The following GDE1 variants were observed in gnomAD, a reference collection of about 807,000 sequenced individuals.
GDE1 encodes RGS16-interacting membrane protein.
Under a neutral mutation model 32.2 loss-of-function variants are expected in GDE1, and 24 were observed. The observed-to-expected ratio is 0.75, with a 90% CI of 0.54 to 1.05. GDE1 has a LOEUF of 1.05. GDE1 is among the 50% of genes least tolerant of loss of function. The pLI, the probability that GDE1 is intolerant of heterozygous loss-of-function variation, is 0.00. For synonymous variants in GDE1, 159 were observed against 158.6 expected (o/e 1.00, Z -0.02); for missense variants, 380 against 415.0 (o/e 0.92, Z 0.73).
rs745955455 is a variant in GDE1, at chr16:19,505,306, T to TC, written c.637-215dup. Among the ~76,000 whole-genome samples, 132 of 152,320 alleles carry TC rather than the reference T, an allele frequency of 8.7e-4. No individual in the cohort carries two copies. The Middle Eastern group carries it at 0.01, about 12-fold the overall frequency. On this transcript the variant is annotated intron_variant, in intron 4 of 5. Coordinates refer to ENST00000353258, the MANE Select transcript of GDE1 (RefSeq NM_016641.4). ...TGCAGCACATATGAGAACTTTTTTT[T>TC]CCCAGTCCTTAAAAACTGCAATCCT...
intron 2 of GDE1, among the ~76,000 whole-genome samples, chr16:19,512,062 C>T (rs1399683861): frequency 6.6e-6 from 1 of 152,022 alleles, no homozygotes; most frequent in East Asian, 1.9e-4. Context: ...ACACTAGTTT[C>T]CTTTCTTTTG....
intron 1 of GDE1, among the ~76,000 whole-genome samples, chr16:19,520,714 G>T (rs1485105822): frequency 7.2e-6 from 1 of 138,782 alleles, no homozygotes; most frequent in East Asian, 2.2e-4. Flanking sequence ...AAAAGAGTGA[G>T]ACTCTGTAAA....
Position 19,503,266 on chromosome 16 carries a change from CAACAGTGTTG to C in GDE1, c.*194_*203del. The C allele has an allele frequency of 1.8e-6, 1 of 551,544 alleles. No individual in the cohort carries two copies. The highest frequency in any genetic ancestry group is 3.2e-6 in the Non-Finnish European group (1 of 310,758). The allele number at this position is 551,544 out of a possible 1,614,324, so 34.2% of individuals were successfully genotyped here. A position where few individuals can be genotyped will look rare whatever the true frequency, so the allele number is the denominator to read the frequency against. On this transcript the variant is annotated 3_prime_UTR_variant, in exon 6 of 6. Coordinates refer to ENST00000353258, the MANE Select transcript of GDE1 (RefSeq NM_016641.4). ...TTTTTCAGACCCAGATTTTCAAGAG[CAACAGTGTTG>C]AACTCTGGCATGCCATGGTGCATGG...
Position 19,501,908 on chromosome 16 carries a change from G to A in GDE1, c.*1562C>T, listed in dbSNP as rs114006199. 0.018 allele frequency: 2,690 copies of A among 152,260 alleles called. 87 individuals carry two copies. Among genetic ancestry groups the A allele is most frequent in the African/African-American group, 0.062 (2,585 of 41,530 alleles). 9.4% of individuals were successfully genotyped at this position (152,260 alleles called of 1,614,324 possible). ...TGCAAGTGTGAGGCCAGCAACCCAC[G>A]GCAGGGATGCAGGAGGGAAGCCATG... On this transcript the variant is annotated 3_prime_UTR_variant, in exon 6 of 6. Coordinates refer to ENST00000353258, the MANE Select transcript of GDE1 (RefSeq NM_016641.4).
intron 2 of GDE1, among the ~76,000 whole-genome samples, chr16:19,512,128 T>G (rs1485943591): frequency 6.6e-6 from 1 of 152,198 alleles, no homozygotes; most frequent in Non-Finnish European, 1.5e-5. Flanking sequence ...TATTTTTAGT[T>G]TTTTGAGAAA....
At chr16:19,521,486 C>T (rs977638077) in intron 1 of GDE1, 9 of 577,580 alleles carry the variant, frequency 1.6e-5, no homozygotes, top group African/African-American at 3.7e-5. Flanking sequence ...TAGCGTCAGG[C>T]GCACAGAAAC....
At chr16:19,511,457 G>A (rs1969318109) in intron 2 of GDE1, among the ~76,000 whole-genome samples, 1 of 152,068 alleles carries the variant, frequency 6.6e-6, no homozygotes, top group African/African-American at 2.4e-5. Context: ...CATTTTTATT[G>A]CTATACACTT....
intron 2 of GDE1, among the ~76,000 whole-genome samples, chr16:19,515,422 T>C (rs193011314): frequency 1.4e-3 from 217 of 152,348 alleles, no homozygotes; most frequent in African/African-American, 5.0e-3. Context: ...AGGGATTTTT[T>C]GAAAATCACA....
In GDE1 at chr16:19,522,076, T is replaced by G; in HGVS notation, c.-112A>C. 1.8e-6 allele frequency: 2 copies of G among 1,129,188 alleles called. No individual in the cohort carries two copies. Among genetic ancestry groups the G allele is most frequent in the Non-Finnish European group, 2.4e-6 (2 of 817,544 alleles). The allele number at this position is 1,129,188 out of a possible 1,614,324, so 69.9% of individuals were successfully genotyped here. ...GGCACCGGCAGCAGCAGGAACCCTC[T>G]GAGGGGACCAGCGCCGCACAATGGC... is the stretch of plus-strand genomic sequence containing the variant. On this transcript the variant is annotated 5_prime_UTR_variant, in exon 1 of 6. Coordinates refer to ENST00000353258, the MANE Select transcript of GDE1 (RefSeq NM_016641.4).
chr16:19,517,523 C>T (rs1338539537), intron 1 of GDE1, among the ~76,000 whole-genome samples: 3 of 152,216 alleles, frequency 2.0e-5, no homozygotes, highest in African/African-American at 7.2e-5. Context: ...GACAATTCCA[C>T]TGTTTACCTA....
chr16:19,503,613 AG>A lies in GDE1; in HGVS notation c.852del (p.Tyr285ThrfsTer2). On this transcript the variant is annotated frameshift_variant, in exon 6 of 6. Coordinates refer to ENST00000353258, the MANE Select transcript of GDE1 (RefSeq NM_016641.4). LOFTEE classifies it high-confidence loss of function. ...CCTTTAGCTGACCACTTCTTCAAGT[AG>A]GCCCTGGGGAAAGAGGAAAGCCAAT... ...FLMQKDFVSP[A>X]YLKKWSAKGI... The A allele has an allele frequency of 6.2e-7, 1 of 1,613,454 alleles. No homozygotes were observed. Among genetic ancestry groups the A allele is most frequent in the Non-Finnish European group, 8.5e-7 (1 of 1,179,462 alleles).
intron 2 of GDE1, among the ~76,000 whole-genome samples, chr16:19,512,605 G>C (rs1969331434): frequency 6.6e-6 from 1 of 152,090 alleles, no homozygotes; most frequent in Non-Finnish European, 1.5e-5. Context: ...CTGTGCTTTT[G>C]AGGTCTTAGC....
chr16:19,507,823 T>G, intron 3 of GDE1, 44 bp from the exon 4 acceptor site: 1 of 907,896 alleles, frequency 1.1e-6, no homozygotes, highest in Non-Finnish European at 1.8e-6. Context: ...GATTAAAATG[T>G]GATAGATAGC....
intron 3 of GDE1, 122 bp from the exon 4 acceptor site, chr16:19,507,901 A>G: frequency 1.7e-6 from 1 of 579,596 alleles, no homozygotes; most frequent in Non-Finnish European, 3.1e-6. Context: ...CTAGAAATGG[A>G]GGTACTGAAA....
chr16:19,510,854 T>G lies in GDE1; in HGVS notation c.528A>C (p.Lys176Asn). 2 of 1,574,256 alleles carry G rather than the reference T, an allele frequency of 1.3e-6. No homozygotes were observed. Among genetic ancestry groups the G allele is most frequent in the Non-Finnish European group, 1.7e-6 (2 of 1,151,750 alleles). Residue 176 changes from lysine (K) to asparagine (N), a missense_variant, in exon 3 of 6, where the codon AAA becomes AAC. Physicochemically the swap from Lys to Asn is moderately conservative, Grantham distance 94. Transcript: ENST00000353258. ...NHNLTIFFDV[K>N]GHAHKATEAL... ...TAAACTGTACCTTGTGTGCATGGCC[T>G]TTGACATCAAAGAAGATTGTGAGGT...
chr16:19,517,601 C>T (rs1414284486), intron 1 of GDE1, among the ~76,000 whole-genome samples: 1 of 152,200 alleles, frequency 6.6e-6, no homozygotes, highest in African/African-American at 2.4e-5. Flanking sequence ...TATTTCACTA[C>T]TTTGGCATAA....
At chr16:19,514,461 T>A (rs898494807) in intron 2 of GDE1, among the ~76,000 whole-genome samples, 37 of 152,188 alleles carry the variant, frequency 2.4e-4, no homozygotes, top group African/African-American at 8.7e-4. Flanking sequence ...ATAACCCTAC[T>A]TCCCAAAGGG....
At chr16:19,508,637 T>A (rs546468144) in intron 3 of GDE1, among the ~76,000 whole-genome samples, 8 of 152,278 alleles carry the variant, frequency 5.3e-5, no homozygotes, top group African/African-American at 1.9e-4. Context: ...GAAAGCATTT[T>A]TTTTTCTGTT....
rs573647601 is a variant in GDE1 at position 19,502,985 on chromosome 16, C to A, written c.*485G>T. The A allele has an allele frequency of 1.3e-5, 2 of 153,492 alleles. No individual in the cohort carries two copies. Among genetic ancestry groups the A allele is most frequent in the African/African-American group, 4.8e-5 (2 of 41,470 alleles). 9.5% of individuals were successfully genotyped at this position (153,492 alleles called of 1,614,324 possible). A position where few individuals can be genotyped will look rare whatever the true frequency, so the allele number is the denominator to read the frequency against. Reference sequence around the variant, plus strand: ...ATGCCTTAGGATATGATGCTTGGCACACAGTTTTCCTTTAGTGCTCCTTTT... The same window carrying A: ...ATGCCTTAGGATATGATGCTTGGCAAACAGTTTTCCTTTAGTGCTCCTTTT... On this transcript the variant is annotated 3_prime_UTR_variant, in exon 6 of 6. Coordinates refer to ENST00000353258, the MANE Select transcript of GDE1 (RefSeq NM_016641.4).
Sources: gnomAD v4.1 joint callset for allele counts (sites outside exome capture counted in the v4.1 genomes callset) on GRCh38, gnomAD v4.1.1 for gene constraint, MANE v1.5 for transcripts, NCBI Gene and HGNC (gene_info 2026-07-23, HGNC 2026-07-21) for gene names.